Variants in SATB2 observed in about 807,000 individuals in gnomAD.
SATB2 encodes DNA-binding protein SATB2.
Under a neutral mutation model 73.4 loss-of-function variants are expected in SATB2, and 1 was observed. The ratio of observed to expected loss-of-function variants is 0.01; its 90% confidence interval spans 0.00 to 0.06. The LOEUF (loss-of-function observed/expected upper bound fraction) is 0.06. Ranked by LOEUF, SATB2 falls within the 10% of genes least tolerant of loss-of-function variation. The pLI is 1.00. For missense variants in SATB2, 459 were observed against 945.8 expected (o/e 0.49, Z 6.75); for synonymous variants, 397 against 367.0 (o/e 1.08, Z -0.93).
chr2:199,367,960 C>T (rs937234762), intron 6 of SATB2, among the ~76,000 whole-genome samples: 2 of 152,066 alleles, frequency 1.3e-5, no homozygotes, highest in Non-Finnish European at 2.9e-5. Context: ...ATGACTACTA[C>T]TATTAATTAT....
At chr2:199,347,901 G>A (rs908747651) in intron 7 of SATB2, 1 of 152,044 alleles carries the variant, frequency 6.6e-6, no homozygotes, top group African/African-American at 2.4e-5. Flanking sequence ...AATCACCTGG[G>A]ATCTTGTTAG....
rs1355907702 is a variant in SATB2, at chr2:199,457,140, A to G, written c.-60+199T>C. Among the ~76,000 whole-genome samples the G allele has an allele frequency of 6.6e-6, 1 of 152,090 alleles. No homozygotes were observed. The highest frequency in any genetic ancestry group is 2.4e-5 in the African/African-American group (1 of 41,420). On this transcript the variant is annotated intron_variant, in intron 1 of 10. Transcript: ENST00000417098. This position sits in a 1 kb window ranked among gnomAD's most constrained non-coding sequence, Gnocchi z 4.8. ...GTCGGCGCCACGGGTCAAGGAGACA[A>G]GGTGGGGGTGGCAGGGGGAGGTGAA... is the stretch of plus-strand genomic sequence containing the variant.
intron 6 of SATB2, among the ~76,000 whole-genome samples, chr2:199,363,092 A>C (rs1689186048): frequency 6.6e-6 from 1 of 152,216 alleles, no homozygotes; most frequent in Non-Finnish European, 1.5e-5. Flanking sequence ...TGAGCTTCTT[A>C]AGATCCATGC....
At position 199,298,042 on chromosome 2, in the gene SATB2, C is replaced by T. The variant is rs190109548; in HGVS notation, c.1740+10718G>A. ...AAACAATAGAGGCCAGGCATGCTCC[C>T]GTTATCTTGCTGAATATAAAATTCT... On this transcript the variant is annotated intron_variant, in intron 10 of 10. Coordinates refer to ENST00000417098, the MANE Select transcript of SATB2 (RefSeq NM_001172509.2). Among the ~76,000 whole-genome samples the T allele has an allele frequency of 2.2e-3, 331 of 152,270 alleles. 14 individuals carry two copies. Among genetic ancestry groups the T allele is most frequent in the Admixed American group, 0.02 (304 of 15,288 alleles).
Position 199,349,056 on chromosome 2 carries a change from T to A in SATB2, c.818A>T (p.His273Leu). 2 of 1,614,060 alleles carry A rather than the reference T, an allele frequency of 1.2e-6. No individual in the cohort carries two copies. Among genetic ancestry groups the A allele is most frequent in the Non-Finnish European group, 1.7e-6 (2 of 1,179,960 alleles). ...TGGAGTACTGTGGTGAATTTGGCTGTGAGGAGACTGTTCGTTGGTTTTCCC... is the reference window on the plus strand; with the variant it reads ...TGGAGTACTGTGGTGAATTTGGCTGAGAGGAGACTGTTCGTTGGTTTTCCC... ...SLGKTNEQSP[H>L]SQIHHSTPIR... The change falls in exon 7 of 11, where the codon CAC (histidine) becomes CTC (leucine). Residue 273 changes from histidine (H) to leucine (L), a missense_variant. By Grantham distance (99) the His-to-Leu change is moderately conservative. Coordinates refer to ENST00000417098, the MANE Select transcript of SATB2 (RefSeq NM_001172509.2).
In SATB2 at chr2:199,272,608, G is replaced by T. The variant is rs533594267; in HGVS notation, c.1805C>A (p.Pro602His). The change falls in exon 11 of 11, where the codon CCC becomes CAC. Residue 602 changes from proline to histidine, a missense_variant. Around this residue, in one of 13 missense-constraint regions of SATB2, gnomAD observed 74 missense variants for 136.1 expected, o/e 0.54. Coordinates refer to ENST00000417098, the MANE Select transcript of SATB2 (RefSeq NM_001172509.2). This position sits in a 1 kb window ranked among gnomAD's most constrained non-coding sequence, Gnocchi z 6.7. Reference protein sequence around the residue: ...ESSPPREEAPPPPPPTEDSCA... With the variant: ...ESSPPREEAPHPPPPTEDSCA... The stretch of plus-strand genomic sequence containing the variant: ...ACTGTCTTCAGTCGGAGGAGGTGGG[G>T]GAGGCGCTTCTTCTCTGGGAGGGGA... 2 of 1,613,986 alleles carry T rather than the reference G, an allele frequency of 1.2e-6. No individual in the cohort carries two copies. The highest frequency in any genetic ancestry group is 1.3e-5 in the African/African-American group (1 of 74,906).
At chr2:199,394,832 AG>A (rs1193657793) in intron 3 of SATB2, among the ~76,000 whole-genome samples, 1 of 152,136 alleles carries the variant, frequency 6.6e-6, no homozygotes, top group Admixed American at 6.5e-5. Flanking sequence ...AAATAACTTA[AG>A]TGGTGTTTCA....
At chr2:199,302,958 A>C (rs992617934) in intron 10 of SATB2, among the ~76,000 whole-genome samples, 1 of 152,186 alleles carries the variant, frequency 6.6e-6, no homozygotes. Context: ...CACACCAATG[A>C]TTTGTGGGTT....
intron 2 of SATB2, among the ~76,000 whole-genome samples, chr2:199,438,502 T>C (rs201676604): frequency 6.6e-6 from 1 of 152,196 alleles, no homozygotes; most frequent in African/African-American, 2.4e-5. Context: ...TTACTAACTA[T>C]ATTAATCCAA....
At chr2:199,363,901 G>A (rs1190430583) in intron 6 of SATB2, among the ~76,000 whole-genome samples, 1 of 152,200 alleles carries the variant, frequency 6.6e-6, no homozygotes, top group Non-Finnish European at 1.5e-5. Flanking sequence ...CTTCCTTACA[G>A]AACACTTCAT....
rs2105862787 is a variant in SATB2 at position 199,378,264 on chromosome 2, A to G, written c.597+2100T>C. Among the ~76,000 whole-genome samples the G allele has an allele frequency of 3.3e-5, 5 of 152,332 alleles. No homozygotes were observed. In the South Asian group the frequency reaches 1.0e-3, roughly 32 times the overall value. On this transcript the variant is annotated intron_variant, in intron 5 of 10. Transcript: ENST00000417098. ...TCCACATGCCTCAGAAGCCCTGGATAAATTTCTGAATTGGTAATATCAAGT... is the reference window on the plus strand; with the variant it reads ...TCCACATGCCTCAGAAGCCCTGGATGAATTTCTGAATTGGTAATATCAAGT...
upstream of SATB2, among the ~76,000 whole-genome samples, chr2:199,459,400 C>T (rs1692409726): frequency 1.3e-5 from 2 of 152,164 alleles, no homozygotes; most frequent in African/African-American, 2.4e-5. The surrounding 1 kb of genome is among the most constrained non-coding windows in gnomAD (Gnocchi z 4.2). Context: ...AGCAGGCTGG[C>T]CTCTGGCCGC....
chr2:199,272,083 A>G lies in SATB2; in HGVS notation c.*128T>C, dbSNP rs1692173914. ...GGGTAAGAAAAACAAAACAGACATA[A>G]AAAGACAAAAATAAAGCCAAAAAAA... is the stretch of plus-strand genomic sequence containing the variant. On this transcript the variant is annotated 3_prime_UTR_variant, in exon 11 of 11. Coordinates refer to ENST00000417098, the MANE Select transcript of SATB2 (RefSeq NM_001172509.2). This position sits in a 1 kb window ranked among gnomAD's most constrained non-coding sequence, Gnocchi z 6.7. 2.2e-6 allele frequency: 2 copies of G among 895,098 alleles called. No homozygotes were observed. The highest frequency in any genetic ancestry group is 3.8e-5 in the Admixed American group (2 of 52,416). 55.4% of individuals were successfully genotyped at this position (895,098 alleles called of 1,614,324 possible).
Position 199,308,198 on chromosome 2 carries a change from G to C in SATB2, c.1740+562C>G, listed in dbSNP as rs1687489160. On this transcript the variant is annotated intron_variant, in intron 10 of 10. Transcript: ENST00000417098. This position sits in a 1 kb window ranked among gnomAD's most constrained non-coding sequence, Gnocchi z 4.6. ...AAGCCAACAAAACACGCAATCCAAAGGAAGGCAGATTTCTAAATGAGATGT... is the reference window on the plus strand; with the variant it reads ...AAGCCAACAAAACACGCAATCCAAACGAAGGCAGATTTCTAAATGAGATGT... Among the ~76,000 whole-genome samples, 1 of 152,070 alleles carries C rather than the reference G, an allele frequency of 6.6e-6. No homozygotes were observed. The highest frequency in any genetic ancestry group is 1.5e-5 in the Non-Finnish European group (1 of 68,020).
chr2:199,443,154 T>C (rs866262317), intron 2 of SATB2, among the ~76,000 whole-genome samples: 4 of 151,466 alleles, frequency 2.6e-5, no homozygotes, highest in Non-Finnish European at 5.9e-5. Context: ...GTCCCATGCA[T>C]CAAAAAAGGA....
chr2:199,275,876 T>C (rs903830416), intron 10 of SATB2, among the ~76,000 whole-genome samples: 5 of 152,166 alleles, frequency 3.3e-5, no homozygotes, highest in African/African-American at 1.2e-4. Context: ...GCAAAGGAGC[T>C]GAGCTTTTTC....
At chr2:199,289,352 G>C (rs2105739225) in intron 10 of SATB2, among the ~76,000 whole-genome samples, 1 of 152,240 alleles carries the variant, frequency 6.6e-6, no homozygotes, top group South Asian at 2.1e-4. Flanking sequence ...TGGTCACTGG[G>C]AAGAGAAATC....
At chr2:199,436,001 A>G (rs962039652) in intron 2 of SATB2, among the ~76,000 whole-genome samples, 3 of 152,174 alleles carry the variant, frequency 2.0e-5, no homozygotes, top group Admixed American at 6.5e-5. Flanking sequence ...CTACTTCACC[A>G]CTAATACCTG....
At position 199,371,871 on chromosome 2, in the gene SATB2, G is replaced by C. The variant is rs994386600; in HGVS notation, c.598-3164C>G. Among the ~76,000 whole-genome samples the C allele has an allele frequency of 2.6e-5, 4 of 151,912 alleles. 1 individual carries two copies. The highest frequency in any genetic ancestry group is 2.6e-4 in the Admixed American group (4 of 15,248). Reference sequence around the variant, plus strand: ...TGCTATTTTTAACACTTAAACCGAGGAACTATGATTTACTAAGGCTAATAT... The same window carrying C: ...TGCTATTTTTAACACTTAAACCGAGCAACTATGATTTACTAAGGCTAATAT... On this transcript the variant is annotated intron_variant, in intron 5 of 10. Coordinates refer to ENST00000417098, the MANE Select transcript of SATB2 (RefSeq NM_001172509.2).
Sources: gnomAD v4.1 joint callset for allele counts (sites outside exome capture counted in the v4.1 genomes callset) on GRCh38, gnomAD v4.1.1 for gene constraint, gnomAD v4.1.1 regional missense constraint, Gnocchi (gnomAD v3.1) non-coding constraint, MANE v1.5 for transcripts, NCBI Gene and HGNC (gene_info 2026-07-23, HGNC 2026-07-21) for gene names.